Variants in LDHC observed in about 807,000 individuals in gnomAD.
LDHC encodes the protein lactate dehydrogenase C.
Under a neutral mutation model 30.2 loss-of-function variants are expected in LDHC, and 20 were observed. The ratio of observed to expected loss-of-function variants is 0.66; its 90% confidence interval spans 0.47 to 0.96. The LOEUF is 0.96. Ranked by LOEUF, LDHC falls within the 40% of genes least tolerant of loss-of-function variation. The probability of loss-of-function intolerance (pLI) is 0.00; values close to 1 mark genes in which losing one functional copy is unlikely to be tolerated. For synonymous variants in LDHC, 139 were observed against 132.7 expected (o/e 1.05, Z -0.32); for missense variants, 362 against 394.9 (o/e 0.92, Z 0.71).
In LDHC at chr11:18,412,776, A is replaced by G; in HGVS notation, c.59A>G (p.Gln20Arg). The change falls in exon 2 of 8, where the codon CAG (glutamine) becomes CGG (arginine). Residue 20 changes from glutamine (Q) to arginine (R), a missense_variant. Transcript: ENST00000541669. The part of the protein sequence containing the change: ...EKLIEDDENS[Q>R]CKITIVGTGA... ...CTAATTGAGGATGATGAAAACTCCC[A>G]GTGTAAAATTACTATTGTTGGAACT... 6.2e-7 allele frequency: 1 copy of G among 1,613,926 alleles called. No individual in the cohort carries two copies. Among genetic ancestry groups the G allele is most frequent in the Non-Finnish European group, 8.5e-7 (1 of 1,179,764 alleles).
chr11:18,433,471 A>T (rs773139368), intron 4 of LDHC, among the ~76,000 whole-genome samples: 5 of 151,918 alleles, frequency 3.3e-5, no homozygotes, highest in Non-Finnish European at 7.4e-5. Flanking sequence ...TCCATTTAGC[A>T]GTTCTTATAG....
rs762124208 is a variant in LDHC at position 18,415,219 on chromosome 11, A to G, written c.162A>G (p.Ala54=). The G allele has an allele frequency of 1.2e-6, 2 of 1,610,166 alleles. No individual in the cohort carries two copies. Among genetic ancestry groups the G allele is most frequent in the South Asian group, 1.1e-5 (1 of 90,536 alleles). The change falls in exon 3 of 8, where the codon GCA becomes GCG. Residue 54 remains alanine, a synonymous_variant. Transcript: ENST00000541669. The part of the protein sequence containing the change: ...LADELALVDV[A]LDKLKGEMMD... ...ATGAACTTGCCCTTGTTGATGTTGC[A>G]TTGGACAAACTGAAGGGAGAAATGA...
chr11:18,424,168 G>A (rs186864995), intron 3 of LDHC, among the ~76,000 whole-genome samples: 1 of 152,246 alleles, frequency 6.6e-6, no homozygotes, highest in African/African-American at 2.4e-5. Flanking sequence ...CGGATCACGA[G>A]GTCAGGAGTT....
chr11:18,439,832 A>AAC (rs1247318062), intron 6 of LDHC, among the ~76,000 whole-genome samples: 3 of 138,826 alleles, frequency 2.2e-5, no homozygotes, highest in East Asian at 2.0e-4. Flanking sequence ...AAAAAAAAAA[A>AAC]AAAACAAAAA....
intron 6 of LDHC, among the ~76,000 whole-genome samples, chr11:18,439,836 A>AAC (rs760393088): frequency 0.09 from 12,249 of 136,648 alleles, 647 homozygotes; most frequent in Middle Eastern, 0.13. Context: ...AAAAAAAAAA[A>AAC]CAAAAATTAG....
At chr11:18,426,047 T>C (rs1590227000) in intron 3 of LDHC, among the ~76,000 whole-genome samples, 1 of 152,016 alleles carries the variant, frequency 6.6e-6, no homozygotes, top group East Asian at 1.9e-4. Context: ...TTTTTTTTAC[T>C]TTTTAGTTTA....
intron 6 of LDHC, 32 bp downstream of exon 6, chr11:18,438,677 T>C: frequency 9.2e-7 from 1 of 1,089,544 alleles, no homozygotes; most frequent in Non-Finnish European, 1.4e-6. Context: ...CTTAATGCCT[T>C]AATAGTCAGT....
At chr11:18,434,586 A>T (rs76708296) in intron 4 of LDHC, among the ~76,000 whole-genome samples, 154 bp from the exon 5 acceptor site, 22,724 of 152,164 alleles carry the variant, frequency 0.15, 1,880 homozygotes, top group African/African-American at 0.21. Flanking sequence ...GCCAGGGGAT[A>T]ACAGGCGTGA....
chr11:18,446,462 C>T, intron 7 of LDHC, 129 bp downstream of exon 7: 1 of 677,960 alleles, frequency 1.5e-6, no homozygotes, highest in Admixed American at 2.8e-5. Flanking sequence ...ACCTTGACCT[C>T]AGGTCAGGTC....
At chr11:18,416,972 C>T (rs1867033697) in intron 3 of LDHC, among the ~76,000 whole-genome samples, 1 of 152,110 alleles carries the variant, frequency 6.6e-6, no homozygotes, top group Non-Finnish European at 1.5e-5. Context: ...CAACCTCCAC[C>T]TCCGAGGTTC....
At chr11:18,420,375 G>A (rs1867098556) in intron 3 of LDHC, among the ~76,000 whole-genome samples, 1 of 151,990 alleles carries the variant, frequency 6.6e-6, no homozygotes, top group Admixed American at 6.6e-5. Flanking sequence ...TGAAATTAGA[G>A]AACACTAAAG....
At chr11:18,428,187 T>G (rs1212091807) in intron 3 of LDHC, among the ~76,000 whole-genome samples, 1 of 140,410 alleles carries the variant, frequency 7.1e-6, no homozygotes, top group African/African-American at 2.6e-5. Context: ...TTTTTTTTTT[T>G]TTGAGACAGA....
chr11:18,442,660 C>CTT lies in LDHC; in HGVS notation c.711-3531_711-3530dup, dbSNP rs34884188. 6.3e-3 allele frequency among the ~76,000 whole-genome samples: 710 copies of CTT among 112,552 alleles called. 12 individuals are homozygous for CTT. The highest frequency in any genetic ancestry group is 7.3e-3 in the Non-Finnish European group (415 of 57,092). 73.8% of individuals were successfully genotyped at this position (112,552 alleles called of 152,430 possible). A position where few individuals can be genotyped will look rare whatever the true frequency, so the allele number is the denominator to read the frequency against. ...ACATGTTTTATCTCTTTCTCTCTCT[C>CTT]TTTTTTTTTTTTTTTTTTTTGAGAC... On this transcript the variant is annotated intron_variant, in intron 6 of 7. Coordinates refer to ENST00000541669, the MANE Select transcript of LDHC (RefSeq NM_017448.5).
At chr11:18,414,615 G>A (rs1866971763) in intron 2 of LDHC, among the ~76,000 whole-genome samples, 1 of 152,110 alleles carries the variant, frequency 6.6e-6, no homozygotes, top group African/African-American at 2.4e-5. Context: ...ATCACTTGAG[G>A]TTAGGAGTTT....
At chr11:18,443,460 C>CTTTCT (rs1472774154) in intron 6 of LDHC, among the ~76,000 whole-genome samples, 40 of 135,756 alleles carry the variant, frequency 2.9e-4, no homozygotes, top group African/African-American at 1.1e-3. Context: ...TTCTTTCTTT[C>CTTTCT]TTTTTTTTTT....
chr11:18,415,161 T>G (rs781343177), intron 2 of LDHC, 23 bp from the exon 3 acceptor site: 1 of 1,354,574 alleles, frequency 7.4e-7, no homozygotes, highest in South Asian at 1.3e-5. Context: ...GAACATTTTA[T>G]TCAGAACTTT....
chr11:18,428,444 C>T (rs1252660753), intron 3 of LDHC, among the ~76,000 whole-genome samples: 1 of 151,884 alleles, frequency 6.6e-6, no homozygotes, highest in East Asian at 1.9e-4. Flanking sequence ...CAGGTGTGAG[C>T]CACCACGCCC....
At position 18,443,640 on chromosome 11, in the gene LDHC, G is replaced by C. The variant is rs1848504098; in HGVS notation, c.711-2570G>C. Among the ~76,000 whole-genome samples, 3 of 151,580 alleles carry C rather than the reference G, an allele frequency of 2.0e-5. 1 individual carries two copies. The South Asian group carries it at 6.2e-4, about 32-fold the overall frequency. ...ATGCCTGGCCACTTTTTGTATTTTTGGTAGTGATGGGGTTTCACCATGTTG... is the reference window on the plus strand; with the variant it reads ...ATGCCTGGCCACTTTTTGTATTTTTCGTAGTGATGGGGTTTCACCATGTTG... On this transcript the variant is annotated intron_variant, in intron 6 of 7. Coordinates refer to ENST00000541669, the MANE Select transcript of LDHC (RefSeq NM_017448.5).
chr11:18,428,744 G>T (rs1848209485), intron 3 of LDHC, among the ~76,000 whole-genome samples: 3 of 151,944 alleles, frequency 2.0e-5, no homozygotes, highest in Admixed American at 6.6e-5. Flanking sequence ...GTGTGATGGT[G>T]CATGCCTGTA....
Sources: allele counts gnomAD v4.1 joint callset (sites outside exome capture counted in the v4.1 genomes callset), GRCh38; gene constraint gnomAD v4.1.1; transcripts MANE v1.5; gene names NCBI Gene and HGNC (gene_info 2026-07-23, HGNC 2026-07-21).